SYNE2: variants seen among roughly 807,000 people sequenced by gnomAD.
SYNE2 encodes nesprin-2.
Under a neutral mutation model 856.3 loss-of-function variants are expected in SYNE2, and 431 were observed. The observed-to-expected ratio is 0.50, with a 90% CI of 0.47 to 0.55. SYNE2 has a LOEUF of 0.55. Among genes scored for constraint, SYNE2 ranks in the 20% least tolerant of loss-of-function variants. SYNE2 has a pLI of 0.00. For synonymous variants in SYNE2, 2,923 were observed against 2,872.3 expected (o/e 1.02, Z -0.56); for missense variants, 8,129 against 8,023.2 (o/e 1.01, Z -0.50).
At chr14:63,991,343 G>A (rs2096664766) in intron 21 of SYNE2, among the ~76,000 whole-genome samples, 1 of 151,994 alleles carries the variant, frequency 6.6e-6, no homozygotes. Context: ...TCAGTGATAC[G>A]GTGTAAAGAG....
chr14:64,202,042 C>T (rs1485941748), intron 99 of SYNE2: 11 of 612,276 alleles, frequency 1.8e-5, no homozygotes, highest in African/African-American at 3.6e-5. Context: ...TGGACGTGCA[C>T]GCCAAGTTGT....
chr14:63,868,719 TGCATGTGTGC>T (rs1387514540), intron 1 of SYNE2, among the ~76,000 whole-genome samples: 1 of 151,930 alleles, frequency 6.6e-6, no homozygotes, highest in African/African-American at 2.4e-5. Flanking sequence ...TGCCTATGTG[TGCATGTGTGC>T]GTGTGTGTGT....
chr14:64,057,836 A>T (rs868614998), intron 49 of SYNE2, among the ~76,000 whole-genome samples: 1 of 152,192 alleles, frequency 6.6e-6, no homozygotes, highest in Non-Finnish European at 1.5e-5. Context: ...ATGATGTCTC[A>T]TTGTAGTTTT....
Position 64,202,727 on chromosome 14 carries a change from A to G in SYNE2, c.18039-74A>G, listed in dbSNP as rs560640355. The G allele has an allele frequency of 7.4e-5, 118 of 1,598,758 alleles. No individual in the cohort carries two copies. In the African/African-American group the frequency reaches 1.2e-3, roughly 17 times the overall value. ...GCTCTTACTGGCACATTCTTCCACC[A>G]CTAAGTATTGGGCTTTTGTTTTCCA... is the stretch of plus-strand genomic sequence containing the variant. On this transcript the variant is annotated intron_variant, in intron 99 of 115. Transcript: ENST00000555002.
Position 64,141,373 on chromosome 14 carries a change from C to T in SYNE2, c.15009C>T (p.Ser5003=). 1 of 1,613,898 alleles carries T rather than the reference C, an allele frequency of 6.2e-7. No homozygotes were observed. The highest frequency in any genetic ancestry group is 1.3e-5 in the African/African-American group (1 of 75,004). ...EFSKEVDEKS[S]LKTAVISIGN... ...CAAAAGAAGTTGATGAAAAATCCTC[C>T]TTGAAGACTGCCGTTATCAGTATCG... Residue 5003 remains serine, a synonymous_variant, in exon 81 of 116, where the codon TCC becomes TCT. Coordinates refer to ENST00000555002, the MANE Select transcript of SYNE2 (RefSeq NM_182914.3).
intron 17 of SYNE2, 67 bp from the exon 18 acceptor site, chr14:63,983,670 G>C: frequency 4.5e-6 from 6 of 1,323,792 alleles, no homozygotes; most frequent in South Asian, 3.7e-5. Context: ...TCCACTTACT[G>C]TTTGTAATGT....
At position 64,214,255 on chromosome 14, in the gene SYNE2, T is replaced by C. The variant is rs2098655557; in HGVS notation, c.19118T>C (p.Ile6373Thr). The C allele has an allele frequency of 6.2e-7, 1 of 1,613,508 alleles. No homozygotes were observed. The highest frequency in any genetic ancestry group is 8.5e-7 in the Non-Finnish European group (1 of 1,179,962). ...ACAGACATGGAAGACCCCAGAGAAATCCAGACTGATTCTTGGCGTAAACGG... is the reference window on the plus strand; with the variant it reads ...ACAGACATGGAAGACCCCAGAGAAACCCAGACTGATTCTTGGCGTAAACGG... ...NETDMEDPRE[I>T]QTDSWRKRGE... Residue 6373 changes from isoleucine to threonine, a missense_variant, in exon 106 of 116, where the codon ATC (isoleucine) becomes ACC (threonine). Physicochemically the swap from Ile to Thr is moderately conservative, Grantham distance 89 (BLOSUM62 -1). Transcript: ENST00000555002.
intron 2 of SYNE2, among the ~76,000 whole-genome samples, chr14:63,919,238 A>T (rs2095568024): frequency 6.6e-6 from 1 of 152,218 alleles, no homozygotes. Context: ...CTAGATTATA[A>T]TCAAGAAGTA....
chr14:64,034,935 T>A (rs1057270183), intron 45 of SYNE2, among the ~76,000 whole-genome samples: 2 of 150,304 alleles, frequency 1.3e-5, no homozygotes, highest in African/African-American at 4.9e-5. Context: ...TAATTTATTA[T>A]TTTTTTTCTA....
In SYNE2 at chr14:64,051,905, C is replaced by T; in HGVS notation, c.7992C>T (p.Ser2664=). 2 of 1,613,924 alleles carry T rather than the reference C, an allele frequency of 1.2e-6. No individual in the cohort carries two copies. Among genetic ancestry groups the T allele is most frequent in the Non-Finnish European group, 1.7e-6 (2 of 1,180,028 alleles). ...CAGAAGAACGGGCAGGGAACCAAAG[C>T]ATGATTGCCTTGACCACTGACCTCC... The part of the protein sequence containing the change: ...KSPEERAGNQ[S]MIALTTDLQA... The change falls in exon 48 of 116, where the codon AGC becomes AGT. Residue 2664 remains serine, a synonymous_variant. Coordinates refer to ENST00000555002, the MANE Select transcript of SYNE2 (RefSeq NM_182914.3).
rs755009843 is a variant in SYNE2, at chr14:64,216,261, G to A, written c.19416G>A (p.Ser6472=). Residue 6472 remains serine (S), a synonymous_variant, in exon 108 of 116, where the codon TCG becomes TCA. Coordinates refer to ENST00000555002, the MANE Select transcript of SYNE2 (RefSeq NM_182914.3). The stretch of plus-strand genomic sequence containing the variant: ...CTTTCGTTTCAGGTAAATCCATTTC[G>A]GATGGCCACTCGTGGCATGTTCCCG... ...TLKASSGKSI[S]DGHSWHVPDS... 2.4e-5 allele frequency: 39 copies of A among 1,613,986 alleles called. No individual in the cohort carries two copies. The East Asian group carries it at 2.4e-4, about 10-fold the overall frequency.
In SYNE2 at chr14:64,052,699, G is replaced by A. The variant is rs1177149020; in HGVS notation, c.8786G>A (p.Arg2929Lys). Residue 2929 changes from arginine to lysine, a missense_variant, in exon 48 of 116, where the codon AGA becomes AAA. Coordinates refer to ENST00000555002, the MANE Select transcript of SYNE2 (RefSeq NM_182914.3). Reference protein sequence around the residue: ...NLKIRTNRIQRFIQNTCNEVE... With the variant: ...NLKIRTNRIQKFIQNTCNEVE... The stretch of plus-strand genomic sequence containing the variant: ...AAGATTAGGACCAACAGAATACAAA[G>A]ATTCATTCAGAATACATGTAATGAA... The A allele has an allele frequency of 5.0e-6, 8 of 1,613,580 alleles. No homozygotes were observed. In the African/African-American group the frequency reaches 9.3e-5, roughly 19 times the overall value.
chr14:63,784,281 A>G (rs1402973365), intron 1 of SYNE2, among the ~76,000 whole-genome samples: 1 of 151,228 alleles, frequency 6.6e-6, no homozygotes, highest in Non-Finnish European at 1.5e-5. Flanking sequence ...TCACGAGGTC[A>G]GGAGTTCGAG....
chr14:64,084,814 C>CTCAA (rs2097547847), intron 57 of SYNE2: 1 of 599,356 alleles, frequency 1.7e-6, no homozygotes, highest in African/African-American at 1.8e-5. Context: ...GTATCTCTGG[C>CTCAA]TCAAGGTCTC....
rs1360659064 is a variant in SYNE2, at chr14:64,225,815, TTGTGAATTC to T, written c.*292_*300del. 1 of 590,658 alleles carries T rather than the reference TTGTGAATTC, an allele frequency of 1.7e-6. No homozygotes were observed. Among genetic ancestry groups the T allele is most frequent in the East Asian group, 2.8e-5 (1 of 36,080 alleles). 36.6% of individuals were successfully genotyped at this position (590,658 alleles called of 1,614,324 possible). On this transcript the variant is annotated 3_prime_UTR_variant, in exon 116 of 116. Coordinates refer to ENST00000555002, the MANE Select transcript of SYNE2 (RefSeq NM_182914.3). Reference sequence around the variant, plus strand: ...TCAGTTTCCTGAAGAGCCAAGCACTTTGTGAATTCTGGTTTGTTTGTAAAACAGCATTAT... The same window carrying T: ...TCAGTTTCCTGAAGAGCCAAGCACTTTGGTTTGTTTGTAAAACAGCATTAT...
At chr14:64,019,435 A>G (rs756941215) in intron 34 of SYNE2, among the ~76,000 whole-genome samples, 1 of 152,192 alleles carries the variant, frequency 6.6e-6, no homozygotes, top group Non-Finnish European at 1.5e-5. Context: ...ATTTTTACAT[A>G]TTTGGAAAAA....
intron 22 of SYNE2, 94 bp downstream of exon 22, chr14:63,994,063 C>A: frequency 7.6e-7 from 1 of 1,307,416 alleles, no homozygotes; most frequent in South Asian, 1.2e-5. Flanking sequence ...TTCCTGTCTA[C>A]GTTGTATCAC....
chr14:63,925,126 A>C (rs1285194024), intron 2 of SYNE2, among the ~76,000 whole-genome samples: 1 of 151,590 alleles, frequency 6.6e-6, no homozygotes, highest in Non-Finnish European at 1.5e-5. Context: ...ACATGGTAAA[A>C]ACCTGTCTCT....
intron 2 of SYNE2, among the ~76,000 whole-genome samples, chr14:63,918,692 A>G (rs187028537): frequency 7.9e-5 from 12 of 152,292 alleles, no homozygotes; most frequent in Admixed American, 7.9e-4. Context: ...AGCAGCATTC[A>G]CTGGTCGGGC....
Sources: allele counts gnomAD v4.1 joint callset (sites outside exome capture counted in the v4.1 genomes callset), GRCh38; gene constraint gnomAD v4.1.1; transcripts MANE v1.5; gene names NCBI Gene and HGNC (gene_info 2026-07-23, HGNC 2026-07-21).